Variants in CR1L observed in about 807,000 individuals in gnomAD.
The protein encoded by CR1L is complement component receptor 1-like protein.
Under a neutral mutation model 62.3 loss-of-function variants are expected in CR1L, and 59 were observed. That is an observed-to-expected ratio of 0.95 (90% confidence interval 0.77 to 1.18). The LOEUF (loss-of-function observed/expected upper bound fraction) is 1.18, where lower values mean the gene tolerates loss of function less well. Among genes scored for constraint, CR1L ranks in the 50% most tolerant of loss-of-function variants. The pLI, the probability that CR1L is intolerant of heterozygous loss-of-function variation, is 0.00. For synonymous variants in CR1L, 279 were observed against 248.7 expected (o/e 1.12, Z -1.15); for missense variants, 700 against 702.8 (o/e 1.00, Z 0.04).
At chr1:207,672,776 G>A (rs1379116861) in intron 1 of CR1L, among the ~76,000 whole-genome samples, 1 of 152,126 alleles carries the variant, frequency 6.6e-6, no homozygotes, top group Non-Finnish European at 1.5e-5. Context: ...GCTAGGTAAA[G>A]GTGCAAGATA....
intron 1 of CR1L, among the ~76,000 whole-genome samples, chr1:207,671,666 C>A (rs1663617224): frequency 6.6e-6 from 1 of 150,922 alleles, no homozygotes; most frequent in African/African-American, 2.5e-5. Flanking sequence ...GTGGCTCACA[C>A]CTATAATCCC....
chr1:207,718,872 T>G (rs1445126156), intron 11 of CR1L, among the ~76,000 whole-genome samples: 1 of 150,446 alleles, frequency 6.6e-6, no homozygotes, highest in Admixed American at 6.7e-5. Context: ...TGTCCAACAA[T>G]GATAGACTGG....
At chr1:207,647,129 T>A (rs571286786) in intron 1 of CR1L, among the ~76,000 whole-genome samples, 4 of 152,202 alleles carry the variant, frequency 2.6e-5, no homozygotes, top group Admixed American at 6.5e-5. Context: ...CTAAAATGTA[T>A]TGGGAGTGGC....
chr1:207,695,310 T>A (rs77262035), intron 5 of CR1L, among the ~76,000 whole-genome samples: 1 of 152,120 alleles, frequency 6.6e-6, no homozygotes, highest in Non-Finnish European at 1.5e-5. Flanking sequence ...ATATTTTTTT[T>A]ATAGAGATCG....
At chr1:207,713,770 G>T (rs1367460339) in intron 10 of CR1L, among the ~76,000 whole-genome samples, 4 of 152,268 alleles carry the variant, frequency 2.6e-5, no homozygotes, top group Admixed American at 6.5e-5. Context: ...AAGCCCAGAG[G>T]GGGTGTAACA....
intron 1 of CR1L, among the ~76,000 whole-genome samples, chr1:207,647,960 A>C (rs939763681): frequency 2.0e-5 from 3 of 152,158 alleles, no homozygotes; most frequent in African/African-American, 7.2e-5. Context: ...AGAAGTACAT[A>C]CAGCCTGGGC....
chr1:207,654,810 A>C (rs559633324), intron 1 of CR1L, among the ~76,000 whole-genome samples: 42 of 152,334 alleles, frequency 2.8e-4, no homozygotes, highest in Admixed American at 6.5e-4. Flanking sequence ...GTTGGGAAGC[A>C]GAGACTCTAA....
chr1:207,677,365 T>A (rs370187813), intron 1 of CR1L, 24 bp from the exon 2 acceptor site: 750 of 1,413,700 alleles, frequency 5.3e-4, no homozygotes, highest in Non-Finnish European at 6.7e-4. Context: ...TTAACTTCGA[T>A]GCTGCTGTGG....
At chr1:207,664,787 T>A (rs567783979) in intron 1 of CR1L, among the ~76,000 whole-genome samples, 1 of 152,316 alleles carries the variant, frequency 6.6e-6, no homozygotes, top group East Asian at 1.9e-4. Flanking sequence ...TCAAAATTCC[T>A]CATGGGATTG....
At position 207,697,768 on chromosome 1, in the gene CR1L, C is replaced by A; in HGVS notation, c.1040-3C>A. 6.2e-7 allele frequency: 1 copy of A among 1,613,856 alleles called. No individual in the cohort carries two copies. Among genetic ancestry groups the A allele is most frequent in the Non-Finnish European group, 8.5e-7 (1 of 1,179,848 alleles). ...ATTTCTGTTCGTTTTTCTTTTTTTC[C>A]AGTGAAATCCTGTGATGACTTCCTG... On this transcript the variant is annotated splice_polypyrimidine_tract_variant and splice_region_variant and intron_variant, in intron 6 of 11. Coordinates refer to ENST00000508064, the MANE Select transcript of CR1L (RefSeq NM_175710.2).
intron 1 of CR1L, among the ~76,000 whole-genome samples, chr1:207,660,012 G>A (rs6686325): frequency 0.26 from 39,045 of 152,200 alleles, 5,470 homozygotes; most frequent in Admixed American, 0.4. Context: ...TAAACAAAGC[G>A]CCAGGGAAGC....
chr1:207,718,166 C>T (rs115672474), intron 11 of CR1L, among the ~76,000 whole-genome samples: 6,263 of 152,168 alleles, frequency 0.041, 177 homozygotes, highest in Non-Finnish European at 0.065. Context: ...TATGTTGTTT[C>T]CAAGGGTTTG....
intron 1 of CR1L, among the ~76,000 whole-genome samples, chr1:207,654,764 C>G (rs1438321682): frequency 2.0e-5 from 3 of 152,194 alleles, no homozygotes; most frequent in Admixed American, 6.5e-5. Context: ...GTGAGAGGAA[C>G]TTTAAGTGAT....
At chr1:207,656,469 G>A (rs190724720) in intron 1 of CR1L, among the ~76,000 whole-genome samples, 28 of 152,238 alleles carry the variant, frequency 1.8e-4, no homozygotes, top group African/African-American at 5.8e-4. Flanking sequence ...ATAAATATAG[G>A]CGTATTAGGC....
intron 10 of CR1L, among the ~76,000 whole-genome samples, chr1:207,708,541 T>C (rs1258490966): frequency 4.6e-5 from 7 of 152,216 alleles, no homozygotes; most frequent in Admixed American, 4.6e-4. Flanking sequence ...CACCTCCCAG[T>C]TTGAAGAGCA....
intron 9 of CR1L, among the ~76,000 whole-genome samples, chr1:207,704,308 CAGAAG>C (rs1664237233): frequency 6.6e-6 from 1 of 152,178 alleles, no homozygotes; most frequent in Admixed American, 6.5e-5. Flanking sequence ...CAAACTTGAA[CAGAAG>C]AGGAGTTACT....
chr1:207,657,953 C>T (rs1249758051), intron 1 of CR1L, among the ~76,000 whole-genome samples: 2 of 152,026 alleles, frequency 1.3e-5, no homozygotes, highest in Admixed American at 1.3e-4. Flanking sequence ...TATCTGATCA[C>T]AACAGAATGA....
intron 3 of CR1L, among the ~76,000 whole-genome samples, chr1:207,680,555 A>G (rs1432127471): frequency 7.0e-6 from 1 of 142,984 alleles, no homozygotes; most frequent in Non-Finnish European, 1.5e-5. Context: ...TTTTTTTTTT[A>G]AGTTACTACT....
chr1:207,667,527 C>T (rs1251410372), intron 1 of CR1L, among the ~76,000 whole-genome samples: 1 of 152,214 alleles, frequency 6.6e-6, no homozygotes, highest in African/African-American at 2.4e-5. Context: ...CAATATCCAA[C>T]TGCAAAGTCC....
Sources: gnomAD v4.1 joint callset for allele counts (sites outside exome capture counted in the v4.1 genomes callset) on GRCh38, gnomAD v4.1.1 for gene constraint, MANE v1.5 for transcripts, NCBI Gene and HGNC (gene_info 2026-07-23, HGNC 2026-07-21) for gene names.